The following MCFD2 variants were observed in gnomAD, a reference collection of about 807,000 sequenced individuals.
MCFD2 encodes the protein multiple coagulation factor deficiency protein 2.
In MCFD2, 11 loss-of-function variants were observed where a neutral mutation model predicts 12.8. That is an observed-to-expected ratio of 0.86 (90% CI 0.54 to 1.42). The LOEUF (loss-of-function observed/expected upper bound fraction) is 1.42, where lower values mean the gene tolerates loss of function less well. Ranked by LOEUF, MCFD2 falls within the 40% of genes most tolerant of loss-of-function variation. The pLI is 0.00. For missense variants in MCFD2, 191 were observed against 178.6 expected, an observed-to-expected ratio of 1.07 and a Z score of -0.40; for synonymous variants, 70 against 68.1, an observed-to-expected ratio of 1.03 and a Z score of -0.14.
chr2:46,913,992 G>A (rs1163442197), intron 1 of MCFD2: 3 of 152,530 alleles, frequency 2.0e-5, no homozygotes, highest in African/African-American at 7.2e-5. Flanking sequence ...ACGATCACAG[G>A]TTGTTCTCCT....
Position 46,908,407 on chromosome 2 carries a change from T to G in MCFD2, c.150-438A>C. On this transcript the variant is annotated intron_variant, in intron 2 of 3. Coordinates refer to ENST00000319466, the MANE Select transcript of MCFD2 (RefSeq NM_139279.6). This position sits in a 1 kb window ranked among gnomAD's most constrained non-coding sequence, Gnocchi z 4.5. ...CCCCAAGTAGCTGGGACCATAGGCA[T>G]GTACTGCCACATCCAGCTAATTTTT... 1 of 287,188 alleles carries G rather than the reference T, an allele frequency of 3.5e-6. No individual in the cohort carries two copies. The highest frequency in any genetic ancestry group is 6.7e-6 in the Non-Finnish European group (1 of 148,716). The allele number at this position is 287,188 out of a possible 1,614,324, so 17.8% of individuals were successfully genotyped here.
In MCFD2 at chr2:46,908,102, C is replaced by T; in HGVS notation, c.150-133G>A. The T allele has an allele frequency of 1.1e-6, 1 of 931,644 alleles. No homozygotes were observed. The highest frequency in any genetic ancestry group is 1.7e-6 in the Non-Finnish European group (1 of 594,702). 57.7% of individuals were successfully genotyped at this position (931,644 alleles called of 1,614,324 possible). ...AACAAACACCAGCAGTGGCAGACCACACTCAAGGATTACACAGAGATAGAC... is the reference window on the plus strand; with the variant it reads ...AACAAACACCAGCAGTGGCAGACCATACTCAAGGATTACACAGAGATAGAC... On this transcript the variant is annotated intron_variant, in intron 2 of 3. Coordinates refer to ENST00000319466, the MANE Select transcript of MCFD2 (RefSeq NM_139279.6). This position sits in a 1 kb window ranked among gnomAD's most constrained non-coding sequence, Gnocchi z 4.5.
intron 1 of MCFD2, among the ~76,000 whole-genome samples, chr2:46,935,511 G>A (rs1669935181): frequency 1.3e-5 from 2 of 152,176 alleles, no homozygotes; most frequent in Admixed American, 6.5e-5. Context: ...TCAGGGTAGT[G>A]TTCTCCCTTC....
intron 1 of MCFD2, among the ~76,000 whole-genome samples, chr2:46,933,208 G>A (rs1669803279): frequency 6.6e-6 from 1 of 152,198 alleles, no homozygotes; most frequent in African/African-American, 2.4e-5. Context: ...AGAATTAAGA[G>A]TCACCTGGGA....
chr2:46,915,807 C>CGGGGGGGGGCG, upstream of MCFD2: 1 of 84,836 alleles, frequency 1.2e-5, no homozygotes, highest in Non-Finnish European at 1.5e-5. Flanking sequence ...CTCGGCTTCG[C>CGGGGGGGGGCG]CCCGCCCCCC....
chr2:46,936,987 T>G (rs1670011268), intron 1 of MCFD2, among the ~76,000 whole-genome samples: 1 of 151,900 alleles, frequency 6.6e-6, no homozygotes, highest in Non-Finnish European at 1.5e-5. Flanking sequence ...CTCAAGTAGG[T>G]GGGACCACAG....
chr2:46,918,915 A>G (rs1452059943), upstream of MCFD2, among the ~76,000 whole-genome samples: 1 of 152,212 alleles, frequency 6.6e-6, no homozygotes, highest in South Asian at 2.1e-4. Context: ...CAGGAGTCTC[A>G]TAACTTGGAA....
intron 1 of MCFD2, among the ~76,000 whole-genome samples, chr2:46,932,192 C>G (rs552502585): frequency 1.3e-5 from 2 of 151,938 alleles, no homozygotes; most frequent in South Asian, 2.1e-4. Context: ...CTCTGTCACC[C>G]AGGCTGGAGT....
chr2:46,911,544 AAAG>A (rs1167422810), intron 1 of MCFD2, among the ~76,000 whole-genome samples: 2 of 152,224 alleles, frequency 1.3e-5, no homozygotes, highest in Admixed American at 6.5e-5. Flanking sequence ...AAAAAGCAAT[AAAG>A]AATAATACAC....
chr2:46,917,113 G>T, upstream of MCFD2: 1 of 692,278 alleles, frequency 1.4e-6, no homozygotes, highest in South Asian at 1.5e-5. Flanking sequence ...ACCTTCATCT[G>T]AGATTGAAAT....
At chr2:46,927,388 G>A (rs947837128) in intron 1 of MCFD2, among the ~76,000 whole-genome samples, 17 of 141,756 alleles carry the variant, frequency 1.2e-4, no homozygotes, top group Non-Finnish European at 2.4e-4. Context: ...ATGGAGTCTC[G>A]TTCTGTTGCC....
chr2:46,916,245 A>T (rs1428717958), upstream of MCFD2: 1 of 863,708 alleles, frequency 1.2e-6, no homozygotes, highest in Non-Finnish European at 1.4e-6. Context: ...TTCCTTCTTG[A>T]TGAAACGACC....
chr2:46,905,784 C>A (rs1047955881), intron 3 of MCFD2, 190 bp from the exon 4 acceptor site: 4 of 649,662 alleles, frequency 6.2e-6, no homozygotes, highest in African/African-American at 5.5e-5. Context: ...TATGGGGCTA[C>A]TTCTAGGAAT....
chr2:46,933,258 G>A (rs1210511078), intron 1 of MCFD2, among the ~76,000 whole-genome samples: 1 of 152,242 alleles, frequency 6.6e-6, no homozygotes, highest in Non-Finnish European at 1.5e-5. Context: ...GGGAGGGAGG[G>A]CAGTGCCTGG....
chr2:46,914,678 A>G (rs1558465983), intron 1 of MCFD2, among the ~76,000 whole-genome samples: 1 of 152,222 alleles, frequency 6.6e-6, no homozygotes, highest in Non-Finnish European at 1.5e-5. Flanking sequence ...AACCTGGTAG[A>G]AAAGAGAGAC....
chr2:46,916,866 C>G (rs899592135), upstream of MCFD2, among the ~76,000 whole-genome samples: 15 of 152,158 alleles, frequency 9.9e-5, no homozygotes, highest in African/African-American at 2.7e-4. Flanking sequence ...AACTGCTGAC[C>G]TCTTGATCCT....
chr2:46,911,997 T>A (rs1051945263), intron 1 of MCFD2, among the ~76,000 whole-genome samples: 1 of 152,152 alleles, frequency 6.6e-6, no homozygotes, highest in Non-Finnish European at 1.5e-5. Context: ...ACAAAATAAT[T>A]CAGAAACAGT....
At chr2:46,923,555 T>A (rs1294873176) in intron 1 of MCFD2, among the ~76,000 whole-genome samples, 1 of 151,992 alleles carries the variant, frequency 6.6e-6, no homozygotes, top group Non-Finnish European at 1.5e-5. Context: ...GTCTCTTTAC[T>A]CTTTTTAACA....
intron 1 of MCFD2, among the ~76,000 whole-genome samples, chr2:46,921,532 TTTGTCTC>T: frequency 6.6e-6 from 1 of 152,346 alleles, no homozygotes; most frequent in East Asian, 1.9e-4. Context: ...TGTCTACTCT[TTTGTCTC>T]TTGTCAAAGC....
Sources: gnomAD v4.1 joint callset for allele counts (sites outside exome capture counted in the v4.1 genomes callset) on GRCh38, gnomAD v4.1.1 for gene constraint, Gnocchi (gnomAD v3.1) non-coding constraint, MANE v1.5 for transcripts, NCBI Gene and HGNC (gene_info 2026-07-23, HGNC 2026-07-21) for gene names.